The following DSCAM variants were observed in gnomAD, a reference collection of about 807,000 sequenced individuals.
The protein encoded by DSCAM is DS cell adhesion molecule.
DSCAM carries 47 observed loss-of-function variants against 217.7 expected under a neutral mutation model. The observed-to-expected ratio is 0.22, with a 90% CI of 0.17 to 0.28. DSCAM has a LOEUF of 0.28. Ranked by LOEUF, DSCAM falls within the 10% of genes least tolerant of loss-of-function variation. The probability of loss-of-function intolerance (pLI) is 1.00; values close to 1 mark genes in which losing one functional copy is unlikely to be tolerated. For missense variants in DSCAM, 2,080 were observed against 2,618.3 expected, an observed-to-expected ratio of 0.79 and a Z score of 4.49; for synonymous variants, 1,056 against 1,015.3, an observed-to-expected ratio of 1.04 and a Z score of -0.76.
At chr21:40,278,041 TACA>T (rs374670932) in intron 10 of DSCAM, among the ~76,000 whole-genome samples, 144 of 152,108 alleles carry the variant, frequency 9.5e-4, no homozygotes, top group African/African-American at 3.4e-3. Flanking sequence ...AGTCATGGGA[TACA>T]ACATCAATAT....
At chr21:40,736,546 A>G (rs757238766) in intron 1 of DSCAM, among the ~76,000 whole-genome samples, 47 of 152,162 alleles carry the variant, frequency 3.1e-4, no homozygotes, top group Non-Finnish European at 4.1e-4. Context: ...GGCTTCCCCA[A>G]TTGTGACCAA....
chr21:40,745,346 C>A (rs1336097744), intron 1 of DSCAM, among the ~76,000 whole-genome samples: 1 of 152,070 alleles, frequency 6.6e-6, no homozygotes, highest in Non-Finnish European at 1.5e-5. Flanking sequence ...AGAAATTAAC[C>A]AAGGCACAGC....
rs751905178 is a variant in DSCAM at position 40,085,722 on chromosome 21, T to C, written c.4012A>G (p.Ile1338Val). 2.5e-6 allele frequency: 4 copies of C among 1,585,210 alleles called. No homozygotes were observed. The highest frequency in any genetic ancestry group is 1.1e-5 in the South Asian group (1 of 88,382). ...SLVTIDGRRS[I>V]FSNGSFIIRT... ...ATAATGAAGCTTCCGTTGCTAAAGA[T>C]GCTCCTCCGCCCATCAATCGTTACT... The change falls in exon 23 of 33, where the codon ATC becomes GTC. Residue 1338 changes from isoleucine to valine, a missense_variant. Coordinates refer to ENST00000400454, the MANE Select transcript of DSCAM (RefSeq NM_001389.5).
At position 40,610,847 on chromosome 21, in the gene DSCAM, A is replaced by G. The variant is rs542237027; in HGVS notation, c.508+81963T>C. On this transcript the variant is annotated intron_variant, in intron 3 of 32. Coordinates refer to ENST00000400454, the MANE Select transcript of DSCAM (RefSeq NM_001389.5). ...CAGCAGTTTTGCTGCAGGACTTCTC[A>G]GGGCTTTTGATATGTTCATTGCAAA... Among the ~76,000 whole-genome samples the G allele has an allele frequency of 2.0e-5, 3 of 152,276 alleles. No individual in the cohort carries two copies. In the East Asian group the frequency reaches 5.8e-4, roughly 30 times the overall value.
chr21:40,078,980 G>A lies in DSCAM; in HGVS notation c.4421-3C>T, dbSNP rs750600017. On this transcript the variant is annotated splice_region_variant and splice_polypyrimidine_tract_variant and intron_variant, in intron 25 of 32. Transcript: ENST00000400454. ...CTGCTCCTTTGAGAACTGGGGCTCT[G>A]GGGGAGAAGGCACATGGAGGTCAGC... 10 of 1,612,736 alleles carry A rather than the reference G, an allele frequency of 6.2e-6. No homozygotes were observed. The East Asian group carries it at 2.2e-4, about 36-fold the overall frequency.
intron 3 of DSCAM, among the ~76,000 whole-genome samples, chr21:40,378,670 C>A (rs2074990066): frequency 7.2e-6 from 1 of 139,772 alleles, no homozygotes; most frequent in Non-Finnish European, 1.5e-5. Context: ...CGGCTCACTG[C>A]AAGCTCCGCC....
chr21:40,806,206 C>T (rs1419568956), intron 1 of DSCAM, among the ~76,000 whole-genome samples: 4 of 152,190 alleles, frequency 2.6e-5, no homozygotes, highest in Non-Finnish European at 4.4e-5. Flanking sequence ...GATTAAGTCC[C>T]CACTGTGGCC....
chr21:40,574,172 T>A (rs930571600), intron 3 of DSCAM, among the ~76,000 whole-genome samples: 2 of 151,998 alleles, frequency 1.3e-5, no homozygotes, highest in African/African-American at 4.8e-5. Context: ...ACAAAAAACA[T>A]TATAAGTTTA....
intron 1 of DSCAM, among the ~76,000 whole-genome samples, chr21:40,726,385 G>A (rs2090955742): frequency 6.6e-6 from 1 of 152,002 alleles, no homozygotes; most frequent in Admixed American, 6.6e-5. Flanking sequence ...ACCCCAAATG[G>A]TAGTATCATT....
At chr21:40,533,639 ATCTG>A (rs1365710247) in intron 3 of DSCAM, among the ~76,000 whole-genome samples, 36 of 123,206 alleles carry the variant, frequency 2.9e-4, no homozygotes, top group African/African-American at 8.8e-4. Flanking sequence ...CCCTCCATCC[ATCTG>A]TCCATCCATC....
chr21:40,311,811 T>C (rs112488753), intron 9 of DSCAM, among the ~76,000 whole-genome samples: 3,423 of 152,226 alleles, frequency 0.022, 132 homozygotes, highest in African/African-American at 0.076. Flanking sequence ...ACGGAAGCCT[T>C]ATTTCATGAA....
At chr21:40,571,391 T>C (rs1167077204) in intron 3 of DSCAM, among the ~76,000 whole-genome samples, 2 of 152,196 alleles carry the variant, frequency 1.3e-5, no homozygotes, top group Non-Finnish European at 1.5e-5. Context: ...TTGATATGAA[T>C]GCTTCAAAAA....
chr21:40,084,080 CA>C (rs1405447591), intron 23 of DSCAM, 74 bp from the exon 24 acceptor site: 1 of 1,211,860 alleles, frequency 8.3e-7, no homozygotes, highest in Non-Finnish European at 1.2e-6. Flanking sequence ...AGTCATTTAC[CA>C]ACTCATTTTT....
intron 11 of DSCAM, among the ~76,000 whole-genome samples, chr21:40,265,161 A>C (rs902815552): frequency 6.6e-6 from 1 of 151,104 alleles, no homozygotes; most frequent in Non-Finnish European, 1.5e-5. Context: ...CACTTCATTC[A>C]CTCCAGTGTG....
intron 27 of DSCAM, among the ~76,000 whole-genome samples, chr21:40,070,369 G>C (rs2089276280): frequency 8.2e-6 from 1 of 121,730 alleles, no homozygotes; most frequent in African/African-American, 3.5e-5. Context: ...AGGAGGGAGG[G>C]AAGGAGAGAA....
chr21:40,279,189 C>T (rs1377184539), intron 10 of DSCAM, among the ~76,000 whole-genome samples: 3 of 152,140 alleles, frequency 2.0e-5, no homozygotes, highest in Non-Finnish European at 2.9e-5. Context: ...CTCACTTGAG[C>T]TAATGAGTAT....
At chr21:40,245,837 G>GCCC (rs1217001160) in intron 11 of DSCAM, among the ~76,000 whole-genome samples, 6 of 152,152 alleles carry the variant, frequency 3.9e-5, no homozygotes, top group Non-Finnish European at 8.8e-5. Context: ...GGGGATGGTA[G>GCCC]ATTGCTGATA....
intron 3 of DSCAM, among the ~76,000 whole-genome samples, chr21:40,650,642 A>G (rs1812233): frequency 0.41 from 62,371 of 151,970 alleles, 13,158 homozygotes; most frequent in East Asian, 0.61. Flanking sequence ...GAGGCTGGGC[A>G]CTGTGGCTCA....
chr21:40,337,452 T>G (rs1459319605), intron 8 of DSCAM, among the ~76,000 whole-genome samples: 4 of 152,366 alleles, frequency 2.6e-5, no homozygotes, highest in Non-Finnish European at 4.4e-5. Flanking sequence ...GCTCTGCCAC[T>G]AAAAGTCTGC....
Sources: allele counts gnomAD v4.1 joint callset (sites outside exome capture counted in the v4.1 genomes callset), GRCh38; gene constraint gnomAD v4.1.1; transcripts MANE v1.5; gene names NCBI Gene and HGNC (gene_info 2026-07-23, HGNC 2026-07-21).